NKAIN2: variants seen among roughly 807,000 people sequenced by gnomAD.
NKAIN2 encodes the protein sodium/potassium-transporting ATPase subunit beta-1-interacting protein 2.
A neutral mutation model predicts 32.6 loss-of-function variants in NKAIN2; 14 were observed. The ratio of observed to expected loss-of-function variants is 0.43; its 90% CI spans 0.28 to 0.67. The LOEUF (loss-of-function observed/expected upper bound fraction) is 0.67. NKAIN2 is among the 30% of genes least tolerant of loss of function. The pLI is 0.17. For missense variants in NKAIN2, 198 were observed against 258.3 expected (o/e 0.77, Z 1.60); for synonymous variants, 80 against 87.2 (o/e 0.92, Z 0.46).
At position 124,286,264 on chromosome 6, in the gene NKAIN2, T is replaced by C. The variant is rs910990497; in HGVS notation, c.192+3122T>C. Among the ~76,000 whole-genome samples the C allele has an allele frequency of 1.4e-3, 215 of 152,244 alleles. 1 individual carries two copies. The highest frequency in any genetic ancestry group is 5.0e-3 in the African/African-American group (207 of 41,576). ...TTCTTTAAGCCTTTAATGTTATACA[T>C]TATGCTATTTTCATATTTTTCTATT... On this transcript the variant is annotated intron_variant, in intron 2 of 6. Coordinates refer to ENST00000368417, the MANE Select transcript of NKAIN2 (RefSeq NM_001040214.3).
Position 123,866,858 on chromosome 6 carries a change from T to C in NKAIN2, c.54+62604T>C, listed in dbSNP as rs369557218. On this transcript the variant is annotated intron_variant, in intron 1 of 6. Transcript: ENST00000368417. ...TATTTGCTCTCCCTCTCTGGATTGC[T>C]CTTTTCCTCTTTCCTCAGAAACCCC... Among the ~76,000 whole-genome samples the C allele has an allele frequency of 4.5e-4, 68 of 152,228 alleles. 2 individuals carry two copies. Among genetic ancestry groups the C allele is most frequent in the African/African-American group, 1.6e-3 (65 of 41,450 alleles).
At chr6:123,895,372 G>A (rs565404094) in intron 1 of NKAIN2, among the ~76,000 whole-genome samples, 2 of 152,154 alleles carry the variant, frequency 1.3e-5, no homozygotes, top group South Asian at 4.1e-4. Flanking sequence ...TCCAAATTTT[G>A]TATTACACAT....
At chr6:124,128,226 G>T (rs1006919509) in intron 1 of NKAIN2, among the ~76,000 whole-genome samples, 3 of 152,194 alleles carry the variant, frequency 2.0e-5, no homozygotes, top group African/African-American at 7.2e-5. Context: ...ATCTGATGCT[G>T]TTGTTAGCAT....
intron 1 of NKAIN2, among the ~76,000 whole-genome samples, chr6:124,141,936 A>G (rs1429941068): frequency 1.3e-5 from 2 of 152,206 alleles, no homozygotes; most frequent in Non-Finnish European, 2.9e-5. Context: ...ATTGGTTTGT[A>G]TAAGATATAA....
At chr6:124,283,192 G>T in intron 2 of NKAIN2, 50 bp downstream of exon 2, 1 of 1,341,264 alleles carries the variant, frequency 7.5e-7, no homozygotes, top group Non-Finnish European at 1.1e-6. Flanking sequence ...AGAGAATGAT[G>T]TGCAAACTCC....
At chr6:124,549,963 G>A (rs1013667318) in intron 3 of NKAIN2, among the ~76,000 whole-genome samples, 2 of 152,142 alleles carry the variant, frequency 1.3e-5, no homozygotes, top group Non-Finnish European at 1.5e-5. Context: ...GTTACTAACC[G>A]TTTTGGAGGA....
chr6:124,802,334 C>T (rs1306075194), intron 5 of NKAIN2, among the ~76,000 whole-genome samples: 6 of 152,132 alleles, frequency 3.9e-5, no homozygotes, highest in Non-Finnish European at 8.8e-5. Flanking sequence ...ACGAGCTCAC[C>T]TATAGCTTGT....
At chr6:124,118,655 C>A (rs142302559) in intron 1 of NKAIN2, among the ~76,000 whole-genome samples, 2 of 152,048 alleles carry the variant, frequency 1.3e-5, no homozygotes, top group African/African-American at 4.8e-5. Context: ...AACATGAAAA[C>A]TCAGTAAAAA....
chr6:124,769,183 GT>G (rs895623224), intron 4 of NKAIN2, among the ~76,000 whole-genome samples: 20 of 152,174 alleles, frequency 1.3e-4, no homozygotes, highest in African/African-American at 4.6e-4. Flanking sequence ...TAAAGAAACA[GT>G]TTTTCTTATC....
chr6:124,601,407 TTTTTCAAATTAATCA>T (rs1259317421), intron 3 of NKAIN2, among the ~76,000 whole-genome samples: 1 of 152,094 alleles, frequency 6.6e-6, no homozygotes, highest in East Asian at 1.9e-4. Flanking sequence ...GTCAGCTCCT[TTTTTCAAATTAATCA>T]GCTTGTCTGA....
At chr6:124,027,874 A>G (rs1781187478) in intron 1 of NKAIN2, among the ~76,000 whole-genome samples, 1 of 152,168 alleles carries the variant, frequency 6.6e-6, no homozygotes, top group South Asian at 2.1e-4. Flanking sequence ...AATATATTTT[A>G]AATAAACATC....
At chr6:123,831,812 C>T (rs1442579547) in intron 1 of NKAIN2, among the ~76,000 whole-genome samples, 2 of 151,998 alleles carry the variant, frequency 1.3e-5, no homozygotes, top group African/African-American at 2.4e-5. Context: ...CCTGCTACCA[C>T]GTCCTGCTAA....
chr6:124,478,216 A>G (rs1300408859), intron 3 of NKAIN2, among the ~76,000 whole-genome samples: 1 of 152,204 alleles, frequency 6.6e-6, no homozygotes, highest in Non-Finnish European at 1.5e-5. Context: ...GATATAAGGA[A>G]AGTGCTCTGA....
intron 3 of NKAIN2, among the ~76,000 whole-genome samples, chr6:124,648,010 T>C (rs1009928775): frequency 6.6e-5 from 10 of 152,266 alleles, no homozygotes; most frequent in Admixed American, 6.5e-4. Flanking sequence ...ACTACTGTAG[T>C]AGGGAAGAGA....
intron 1 of NKAIN2, among the ~76,000 whole-genome samples, chr6:124,184,150 A>G (rs1392001519): frequency 1.3e-5 from 2 of 152,172 alleles, no homozygotes; most frequent in Non-Finnish European, 2.9e-5. Context: ...AATCTAACTT[A>G]TCAAACTTAA....
At chr6:124,076,636 C>T (rs866413581) in intron 1 of NKAIN2, among the ~76,000 whole-genome samples, 90 of 152,150 alleles carry the variant, frequency 5.9e-4, no homozygotes, top group African/African-American at 2.0e-3. Context: ...GCAGAGTTAT[C>T]CTCCTTTACA....
At chr6:123,951,483 G>T (rs1049483994) in intron 1 of NKAIN2, among the ~76,000 whole-genome samples, 2 of 152,056 alleles carry the variant, frequency 1.3e-5, no homozygotes, top group East Asian at 3.9e-4. Context: ...TCCTCTTGCT[G>T]AATTGATCCC....
At chr6:124,274,960 A>G (rs892732047) in intron 1 of NKAIN2, among the ~76,000 whole-genome samples, 1 of 152,070 alleles carries the variant, frequency 6.6e-6, no homozygotes, top group Non-Finnish European at 1.5e-5. Context: ...AGGAATTCAC[A>G]TGACTTGTTA....
chr6:124,254,196 C>A (rs1793819328), intron 1 of NKAIN2, among the ~76,000 whole-genome samples: 1 of 148,758 alleles, frequency 6.7e-6, no homozygotes, highest in Non-Finnish European at 1.5e-5. Context: ...AGGTGATCCG[C>A]CTGCCTCGGC....
Sources: allele counts gnomAD v4.1 joint callset (sites outside exome capture counted in the v4.1 genomes callset), GRCh38; gene constraint gnomAD v4.1.1; transcripts MANE v1.5; gene names NCBI Gene and HGNC (gene_info 2026-07-23, HGNC 2026-07-21).